The following STAU1 variants were observed in gnomAD, a reference collection of about 807,000 sequenced individuals.
STAU1 encodes staufen double-stranded RNA binding protein 1, also known as double-stranded RNA-binding protein Staufen homolog 1.
STAU1 carries 13 observed loss-of-function variants against 62.9 expected under a neutral mutation model. The observed-to-expected ratio is 0.21, with a 90% CI of 0.13 to 0.33. The LOEUF (loss-of-function observed/expected upper bound fraction) is 0.33, where lower values mean the gene tolerates loss of function less well. Among genes scored for constraint, STAU1 ranks in the 10% least tolerant of loss-of-function variants. The pLI is 1.00. For synonymous variants in STAU1, 269 were observed against 265.1 expected (o/e 1.01, Z -0.14); for missense variants, 571 against 712.1 (o/e 0.80, Z 2.25).
intron 6 of STAU1, among the ~76,000 whole-genome samples, chr20:49,133,352 C>A (rs2092794278): frequency 6.6e-6 from 1 of 152,206 alleles, no homozygotes; most frequent in African/African-American, 2.4e-5. Context: ...CAACTCTGCA[C>A]ATGAGGTGAC....
At position 49,166,015 on chromosome 20, in the gene STAU1, A is replaced by C; in HGVS notation, c.187T>G (p.Ser63Ala). ...TGCTTACCTGCAGCTGCACTGGTGGATGTAATAGATGCAGAGGGTAAAGCA... is the reference window on the plus strand; with the variant it reads ...TGCTTACCTGCAGCTGCACTGGTGGCTGTAATAGATGCAGAGGGTAAAGCA... ...NSALPSASIT[S>A]TSAAAESITP... Residue 63 changes from serine to alanine, a missense_variant, in exon 3 of 14, where the codon TCC becomes GCC. Physicochemically the swap from Ser to Ala is moderately conservative, Grantham distance 99 (BLOSUM62 1). This residue lies in a region of STAU1 where 414 missense variants were observed against 499.6 expected (regional missense o/e 0.83). Transcript: ENST00000371856. The C allele has an allele frequency of 6.2e-7, 1 of 1,614,172 alleles. No individual in the cohort carries two copies. The highest frequency in any genetic ancestry group is 8.5e-7 in the Non-Finnish European group (1 of 1,179,998).
At chr20:49,140,443 T>C (rs914586328) in intron 5 of STAU1, among the ~76,000 whole-genome samples, 14 of 151,954 alleles carry the variant, frequency 9.2e-5, no homozygotes, top group African/African-American at 3.1e-4. Flanking sequence ...AAACAAATAT[T>C]TACTATTCAT....
chr20:49,117,374 C>G lies in STAU1; in HGVS notation c.1510-126G>C. 7 of 1,196,956 alleles carry G rather than the reference C, an allele frequency of 5.8e-6. No homozygotes were observed. Among genetic ancestry groups the G allele is most frequent in the Non-Finnish European group, 8.3e-6 (7 of 843,748 alleles). The allele number at this position is 1,196,956 out of a possible 1,614,324, so 74.1% of individuals were successfully genotyped here. On this transcript the variant is annotated intron_variant, in intron 11 of 13. Transcript: ENST00000371856. This position sits in a 1 kb window ranked among gnomAD's most constrained non-coding sequence, Gnocchi z 4.6. ...TTTTCCAACTCAGCCCCACTGTGGC[C>G]ATACTAACACCTGCCCTGTCAGCCC...
intron 5 of STAU1, among the ~76,000 whole-genome samples, chr20:49,147,722 T>C (rs1323105589): frequency 1.3e-5 from 2 of 152,192 alleles, no homozygotes; most frequent in Non-Finnish European, 2.9e-5. Context: ...TGTTGGAAAA[T>C]AAAGCAGTGC....
At chr20:49,180,170 T>A (rs2093705557) in intron 1 of STAU1, among the ~76,000 whole-genome samples, 2 of 152,136 alleles carry the variant, frequency 1.3e-5, no homozygotes, top group Non-Finnish European at 2.9e-5. Context: ...ACAAGAGGGA[T>A]GTTAGAAAGG....
At chr20:49,158,711 G>A (rs2093402957) in intron 3 of STAU1, among the ~76,000 whole-genome samples, 1 of 152,058 alleles carries the variant, frequency 6.6e-6, no homozygotes. Context: ...TTGGGTAGCT[G>A]AGGCAGGAGA....
chr20:49,133,155 T>A (rs1435809806), intron 6 of STAU1, among the ~76,000 whole-genome samples: 1 of 152,066 alleles, frequency 6.6e-6, no homozygotes, highest in African/African-American at 2.4e-5. Flanking sequence ...GAACACAGAG[T>A]TGAGAGCCAG....
At chr20:49,200,327 G>T in the STAU1 span, among the ~76,000 whole-genome samples, 2 of 152,236 alleles carry the variant, frequency 1.3e-5, no homozygotes, top group South Asian at 4.1e-4. Context: ...GGCCAGGTGC[G>T]GTGGCTCACG....
chr20:49,184,423 A>C (rs576656064), intron 1 of STAU1, among the ~76,000 whole-genome samples: 1 of 152,284 alleles, frequency 6.6e-6, no homozygotes, highest in Non-Finnish European at 1.5e-5. Flanking sequence ...TTACACACAC[A>C]GCTCCACACA....
the STAU1 span, among the ~76,000 whole-genome samples, chr20:49,211,758 T>C: frequency 6.6e-6 from 1 of 152,112 alleles, no homozygotes; most frequent in Non-Finnish European, 1.5e-5. Context: ...TCAGCCCACC[T>C]CAGCCTCCCA....
At position 49,117,385 on chromosome 20, in the gene STAU1, C is replaced by A; in HGVS notation, c.1510-137G>T. 1 of 1,092,180 alleles carries A rather than the reference C, an allele frequency of 9.2e-7. No homozygotes were observed. Among genetic ancestry groups the A allele is most frequent in the Admixed American group, 2.2e-5 (1 of 44,620 alleles). The allele number at this position is 1,092,180 out of a possible 1,614,324, so 67.7% of individuals were successfully genotyped here. Reference sequence around the variant, plus strand: ...AGCCCCACTGTGGCCATACTAACACCTGCCCTGTCAGCCCAGAACCTTCCA... The same window carrying A: ...AGCCCCACTGTGGCCATACTAACACATGCCCTGTCAGCCCAGAACCTTCCA... On this transcript the variant is annotated intron_variant, in intron 11 of 13. Transcript: ENST00000371856. The surrounding 1 kb of genome is among the most constrained non-coding windows in gnomAD (Gnocchi z 4.6).
intron 5 of STAU1, among the ~76,000 whole-genome samples, chr20:49,140,091 C>T (rs1353294922): frequency 6.6e-6 from 1 of 151,506 alleles, no homozygotes; most frequent in Non-Finnish European, 1.5e-5. Context: ...GAGGCTGAGG[C>T]AGGAGAATCG....
At chr20:49,126,921 T>C (rs2092640734) in intron 6 of STAU1, among the ~76,000 whole-genome samples, 1 of 151,854 alleles carries the variant, frequency 6.6e-6, no homozygotes, top group South Asian at 2.1e-4. Flanking sequence ...ACAACAAAAA[T>C]TAGACCTAGG....
chr20:49,131,687 A>C (rs994776298), intron 6 of STAU1, among the ~76,000 whole-genome samples: 1 of 152,088 alleles, frequency 6.6e-6, no homozygotes, highest in African/African-American at 2.4e-5. Flanking sequence ...TACTAAAAAT[A>C]CAAAAATTAG....
intron 3 of STAU1, among the ~76,000 whole-genome samples, chr20:49,165,173 T>C (rs1015870822): frequency 2.0e-5 from 3 of 152,076 alleles, no homozygotes; most frequent in Non-Finnish European, 2.9e-5. Flanking sequence ...GCCTCCCGAA[T>C]AGCTGGGACT....
At chr20:49,125,224 A>G (rs1344901005) in intron 6 of STAU1, among the ~76,000 whole-genome samples, 4 of 109,618 alleles carry the variant, frequency 3.6e-5, no homozygotes, top group African/African-American at 1.2e-4. Context: ...AAAAAAAAAA[A>G]CGAAGGATAA....
chr20:49,195,312 C>T, the STAU1 span, among the ~76,000 whole-genome samples: 2 of 151,072 alleles, frequency 1.3e-5, no homozygotes, highest in Admixed American at 6.6e-5. Context: ...CCGAGGCAGG[C>T]GGATCACGAA....
intron 3 of STAU1, among the ~76,000 whole-genome samples, chr20:49,154,473 G>C (rs1464357802): frequency 1.3e-5 from 2 of 152,214 alleles, no homozygotes; most frequent in Non-Finnish European, 2.9e-5. Flanking sequence ...TGATTTACAG[G>C]ATTATTGGCT....
chr20:49,166,371 T>C (rs529487860), intron 2 of STAU1, 86 bp from the exon 3 acceptor site: 12 of 609,076 alleles, frequency 2.0e-5, no homozygotes, highest in African/African-American at 1.8e-4. Context: ...TGGTGTCACC[T>C]ACTGACTTAT....
Sources: gnomAD v4.1 joint callset for allele counts (sites outside exome capture counted in the v4.1 genomes callset) on GRCh38, gnomAD v4.1.1 for gene constraint, gnomAD v4.1.1 regional missense constraint, Gnocchi (gnomAD v3.1) non-coding constraint, MANE v1.5 for transcripts, NCBI Gene and HGNC (gene_info 2026-07-23, HGNC 2026-07-21) for gene names.